The following RIMBP2 variants were observed in gnomAD, a reference collection of about 807,000 sequenced individuals.
The protein encoded by RIMBP2 is RIMS-binding protein 2.
A neutral mutation model predicts 118.6 loss-of-function variants in RIMBP2; 48 were observed. That is an observed-to-expected ratio of 0.40 (90% CI 0.32 to 0.51). The LOEUF (loss-of-function observed/expected upper bound fraction) is 0.51, where lower values mean the gene tolerates loss of function less well. RIMBP2 is among the 20% of genes least tolerant of loss of function. The probability of loss-of-function intolerance (pLI) is 0.41; values close to 1 mark genes in which losing one functional copy is unlikely to be tolerated. For missense variants in RIMBP2, 1,551 were observed against 1,768.3 expected, an observed-to-expected ratio of 0.88 and a Z score of 2.20; for synonymous variants, 762 against 742.9, an observed-to-expected ratio of 1.03 and a Z score of -0.42.
chr12:130,432,854 T>C (rs2077237435), intron 14 of RIMBP2, among the ~76,000 whole-genome samples: 1 of 152,156 alleles, frequency 6.6e-6, no homozygotes, highest in East Asian at 1.9e-4. Context: ...TCAACAGAAA[T>C]CCTATCTCCA....
intron 5 of RIMBP2, among the ~76,000 whole-genome samples, chr12:130,478,331 A>G (rs1274440640): frequency 6.6e-6 from 1 of 152,172 alleles, no homozygotes; most frequent in Non-Finnish European, 1.5e-5. Flanking sequence ...ATCATGCAAC[A>G]GCCTCAAGAC....
At chr12:130,458,229 T>G (rs1401065063) in intron 6 of RIMBP2, among the ~76,000 whole-genome samples, 1 of 152,202 alleles carries the variant, frequency 6.6e-6, no homozygotes, top group African/African-American at 2.4e-5. Context: ...AGCCTATAAT[T>G]AATTTCTTTG....
chr12:130,491,201 CACA>C (rs1175215709), intron 4 of RIMBP2, among the ~76,000 whole-genome samples: 1 of 152,206 alleles, frequency 6.6e-6, no homozygotes, highest in Non-Finnish European at 1.5e-5. Flanking sequence ...ATTTAATCGG[CACA>C]ACAACGCTTG....
intron 4 of RIMBP2, among the ~76,000 whole-genome samples, chr12:130,479,740 G>T (rs147228345): frequency 6.6e-6 from 1 of 151,934 alleles, no homozygotes; most frequent in Non-Finnish European, 1.5e-5. Context: ...TGGGAAAGTC[G>T]CAAGGTGGCC....
intron 1 of RIMBP2, among the ~76,000 whole-genome samples, chr12:130,635,080 C>G (rs1192636181): frequency 6.6e-6 from 1 of 152,202 alleles, no homozygotes; most frequent in East Asian, 1.9e-4. Flanking sequence ...CAGGATGGAG[C>G]CCATCCCCTG....
chr12:130,586,700 C>T (rs1305398013), intron 2 of RIMBP2, among the ~76,000 whole-genome samples: 2,307 of 130,150 alleles, frequency 0.018, 84 homozygotes, highest in African/African-American at 0.065. Flanking sequence ...AAGATTTAAA[C>T]GTTAGACCTA....
At chr12:130,575,411 G>T (rs900084946) in intron 2 of RIMBP2, among the ~76,000 whole-genome samples, 1 of 151,930 alleles carries the variant, frequency 6.6e-6, no homozygotes, top group Non-Finnish European at 1.5e-5. Flanking sequence ...TATAGGAATA[G>T]AATTCTTCCC....
rs1057124090 is a variant in RIMBP2, at chr12:130,663,637, T to C, written c.-351-35181A>G. Among the ~76,000 whole-genome samples the C allele has an allele frequency of 1.3e-5, 2 of 151,732 alleles. 1 individual carries two copies. The highest frequency in any genetic ancestry group is 4.9e-5 in the African/African-American group (2 of 41,000). On this transcript the variant is annotated intron_variant, in intron 1 of 22. Coordinates refer to ENST00000690449, the MANE Select transcript of RIMBP2 (RefSeq NM_001393629.1). ...AAATGAAAACTACACTGAGATACTC[T>C]CAAACTGGCAAGTTACCCAGCCTAG...
At chr12:130,404,120 A>T (rs1229367532) in intron 21 of RIMBP2, among the ~76,000 whole-genome samples, 1 of 152,204 alleles carries the variant, frequency 6.6e-6, no homozygotes, top group Non-Finnish European at 1.5e-5. Flanking sequence ...AGGAGGCAAA[A>T]TAATGACAAT....
chr12:130,532,612 C>G (rs1275100196), intron 2 of RIMBP2, among the ~76,000 whole-genome samples: 1 of 143,524 alleles, frequency 7.0e-6, no homozygotes. Flanking sequence ...TAATGAGATG[C>G]GTATGCTTAG....
At chr12:130,414,951 T>C (rs2076014329) in intron 17 of RIMBP2, among the ~76,000 whole-genome samples, 1 of 152,146 alleles carries the variant, frequency 6.6e-6, no homozygotes, top group Non-Finnish European at 1.5e-5. Flanking sequence ...TGAAATGAAT[T>C]CACTGCTGAA....
chr12:130,465,915 G>C (rs2080432087), intron 6 of RIMBP2: 1 of 152,344 alleles, frequency 6.6e-6, no homozygotes, highest in Non-Finnish European at 1.5e-5. Context: ...TCAGAGTTCT[G>C]AGCTGACAGG....
intron 2 of RIMBP2, among the ~76,000 whole-genome samples, chr12:130,524,922 G>A (rs528003242): frequency 3.3e-5 from 5 of 152,278 alleles, no homozygotes; most frequent in Admixed American, 6.5e-5. Flanking sequence ...TAAGGGATGG[G>A]GCACGTTCGG....
intron 4 of RIMBP2, among the ~76,000 whole-genome samples, chr12:130,502,407 C>T (rs977955914): frequency 2.0e-5 from 3 of 152,058 alleles, no homozygotes; most frequent in Non-Finnish European, 2.9e-5. Context: ...ATTCCCAATC[C>T]GGGTTTCATT....
chr12:130,611,908 G>T (rs1303806193), intron 2 of RIMBP2, among the ~76,000 whole-genome samples: 10 of 152,318 alleles, frequency 6.6e-5, no homozygotes, highest in African/African-American at 1.9e-4. Context: ...AAGTTGCTTT[G>T]CAAGTAGAAA....
intron 4 of RIMBP2, among the ~76,000 whole-genome samples, chr12:130,480,746 G>A (rs1392453037): frequency 2.0e-5 from 3 of 152,208 alleles, no homozygotes; most frequent in East Asian, 1.9e-4. Flanking sequence ...GATTACAGGT[G>A]CCCACCACCA....
intron 13 of RIMBP2, among the ~76,000 whole-genome samples, chr12:130,436,376 C>T (rs12815973): frequency 0.13 from 19,172 of 152,100 alleles, 1,353 homozygotes; most frequent in East Asian, 0.24. Context: ...CATACAGATA[C>T]GTGTATCTAT....
rs1566423620 is a variant in RIMBP2 at position 130,646,441 on chromosome 12, T to TGCCTC, written c.-351-17986_-351-17985insGAGGC. On this transcript the variant is annotated intron_variant, in intron 1 of 22. Coordinates refer to ENST00000690449, the MANE Select transcript of RIMBP2 (RefSeq NM_001393629.1). ...TCACCACTTCCCTCTCCACCTCCCT[T>TGCCTC]GCCACCTCCCTCGCCACCTCCCTCG... Among the ~76,000 whole-genome samples the TGCCTC allele has an allele frequency of 9.1e-3, 31 of 3,402 alleles. 10 individuals carry two copies. The highest frequency in any genetic ancestry group is 0.17 in the Middle Eastern group (1 of 6). The allele number at this position is 3,402 out of a possible 152,430, so 2.2% of individuals were successfully genotyped here.
intron 1 of RIMBP2, among the ~76,000 whole-genome samples, chr12:130,656,162 G>A (rs952022822): frequency 1.3e-5 from 2 of 152,182 alleles, no homozygotes; most frequent in Admixed American, 6.5e-5. Flanking sequence ...AGGAGCGAGA[G>A]AGCGAGCCTC....
Sources: allele counts gnomAD v4.1 joint callset (sites outside exome capture counted in the v4.1 genomes callset), GRCh38; gene constraint gnomAD v4.1.1; transcripts MANE v1.5; gene names NCBI Gene and HGNC (gene_info 2026-07-23, HGNC 2026-07-21).